EPHB3: variants seen among roughly 807,000 people sequenced by gnomAD.
EPHB3 encodes the protein ephrin type-B receptor 3.
A neutral mutation model predicts 100.2 loss-of-function variants in EPHB3; 33 were observed. The observed-to-expected ratio is 0.33, with a 90% CI of 0.25 to 0.44. The LOEUF (loss-of-function observed/expected upper bound fraction) is 0.44, where lower values mean the gene tolerates loss of function less well. Ranked by LOEUF, EPHB3 falls within the 20% of genes least tolerant of loss-of-function variation. The probability of loss-of-function intolerance (pLI) is 1.00; values close to 1 mark genes in which losing one functional copy is unlikely to be tolerated. For synonymous variants in EPHB3, 526 were observed against 554.7 expected (o/e 0.95, Z 0.73); for missense variants, 1,045 against 1,378.3 (o/e 0.76, Z 3.83).
In EPHB3 at chr3:184,580,472, A is replaced by G; in HGVS notation, c.2243A>G (p.Tyr748Cys). 1.9e-6 allele frequency: 3 copies of G among 1,614,160 alleles called. No homozygotes were observed. Among genetic ancestry groups the G allele is most frequent in the Non-Finnish European group, 2.5e-6 (3 of 1,180,014 alleles). Residue 748 changes from tyrosine (Y) to cysteine (C), a missense_variant, in exon 12 of 16, where the codon TAC (tyrosine) becomes TGC (cysteine). Around this residue, in one of 2 missense-constraint regions of EPHB3, gnomAD observed 985 missense variants for 1,331.1 expected, o/e 0.74. Transcript: ENST00000330394. The part of the protein sequence containing the change: ...MLRGIAAGMK[Y>C]LSEMNYVHRD... ...CGGGGCATTGCTGCCGGCATGAAGT[A>G]CCTGTCCGAGATGAACTATGTGCAC...
At position 184,573,734 on chromosome 3, in the gene EPHB3, T is replaced by C. The variant is rs1452084408; in HGVS notation, c.856+558T>C. Among the ~76,000 whole-genome samples the C allele has an allele frequency of 2.1e-5, 3 of 141,216 alleles. No individual in the cohort carries two copies. Among genetic ancestry groups the C allele is most frequent in the African/African-American group, 7.8e-5 (3 of 38,582 alleles). The allele number at this position is 141,216 out of a possible 152,430, so 92.6% of individuals were successfully genotyped here. On this transcript the variant is annotated intron_variant, in intron 3 of 15. Transcript: ENST00000330394. The surrounding 1 kb of genome is among the most constrained non-coding windows in gnomAD (Gnocchi z 4.5). ...CAAGTTACTTTTTTTTTTTTTTTTT[T>C]GAGATGGAGTTTCACAATTGTTGCC...
Position 184,565,117 on chromosome 3 carries a change from C to G in EPHB3, c.118+2764C>G, listed in dbSNP as rs1035127557. Among the ~76,000 whole-genome samples the G allele has an allele frequency of 6.6e-6, 1 of 152,168 alleles. No homozygotes were observed. Among genetic ancestry groups the G allele is most frequent in the Non-Finnish European group, 1.5e-5 (1 of 68,040 alleles). ...GGTCACCAAGACTCTGCATCCAAGG[C>G]TGTCATCAGTTTTCCATGTGGATGG... is the stretch of plus-strand genomic sequence containing the variant. On this transcript the variant is annotated intron_variant, in intron 1 of 15. Coordinates refer to ENST00000330394, the MANE Select transcript of EPHB3 (RefSeq NM_004443.4). The surrounding 1 kb of genome is among the most constrained non-coding windows in gnomAD (Gnocchi z 4.8).
rs67295730 is a variant in EPHB3 at position 184,573,716 on chromosome 3, C to CTT, written c.856+557_856+558dup. 1.2e-4 allele frequency among the ~76,000 whole-genome samples: 16 copies of CTT among 138,582 alleles called. No homozygotes were observed. Among genetic ancestry groups the CTT allele is most frequent in the African/African-American group, 2.4e-4 (9 of 37,330 alleles). 90.9% of individuals were successfully genotyped at this position (138,582 alleles called of 152,430 possible). On this transcript the variant is annotated intron_variant, in intron 3 of 15. Transcript: ENST00000330394. The surrounding 1 kb of genome is among the most constrained non-coding windows in gnomAD (Gnocchi z 4.5). ...CACTTACGTGACCTTGGGCAAGTTA[C>CTT]TTTTTTTTTTTTTTTTTTGAGATGG... is the stretch of plus-strand genomic sequence containing the variant.
chr3:184,577,748 C>A lies in EPHB3; in HGVS notation c.1570C>A (p.Arg524Ser). 1 of 1,611,700 alleles carries A rather than the reference C, an allele frequency of 6.2e-7. No homozygotes were observed. The highest frequency in any genetic ancestry group is 8.5e-7 in the Non-Finnish European group (1 of 1,178,470). Residue 524 changes from arginine (R) to serine (S), a missense_variant, in exon 7 of 16, where the codon CGT (arginine) becomes AGT (serine). Coordinates refer to ENST00000330394, the MANE Select transcript of EPHB3 (RefSeq NM_004443.4). This position sits in a 1 kb window ranked among gnomAD's most constrained non-coding sequence, Gnocchi z 4.9. Reference protein sequence around the residue: ...RPDARYVVQVRARTVAGYGQY... With the variant: ...RPDARYVVQVSARTVAGYGQY... ...TGACGCCCGCTATGTGGTCCAGGTCCGTGCCCGCACAGTAGCTGGCTATGG... is the reference window on the plus strand; with the variant it reads ...TGACGCCCGCTATGTGGTCCAGGTCAGTGCCCGCACAGTAGCTGGCTATGG...
Position 184,578,849 on chromosome 3 carries a change from G to A in EPHB3, c.1801+383G>A, listed in dbSNP as rs1369830709. 2.0e-5 allele frequency among the ~76,000 whole-genome samples: 3 copies of A among 151,992 alleles called. No individual in the cohort carries two copies. The highest frequency in any genetic ancestry group is 2.9e-5 in the Non-Finnish European group (2 of 68,032). ...GAGGTGGACTTGAGCTGAGCCAGGC[G>A]GGATGAGCAGGGTGTTGGGAGGTGA... On this transcript the variant is annotated intron_variant, in intron 9 of 15. Coordinates refer to ENST00000330394, the MANE Select transcript of EPHB3 (RefSeq NM_004443.4). This position sits in a 1 kb window ranked among gnomAD's most constrained non-coding sequence, Gnocchi z 4.7.
chr3:184,580,641 G>T (rs777750265), intron 12 of EPHB3, 24 bp downstream of exon 12: 1 of 1,611,082 alleles, frequency 6.2e-7, no homozygotes, highest in Non-Finnish European at 8.5e-7. Context: ...CTGGGAGGGA[G>T]ACTGGGGGCG....
At chr3:184,575,203 A>C (rs13093629) in intron 3 of EPHB3, 1 of 985,256 alleles carries the variant, frequency 1.0e-6, no homozygotes, top group Non-Finnish European at 1.2e-6. Context: ...CTCTGGGGTG[A>C]GTCCCCTTGT....
In EPHB3 at chr3:184,571,587, A is replaced by C. The variant is rs1485104040; in HGVS notation, c.183+205A>C. Among the ~76,000 whole-genome samples the C allele has an allele frequency of 1.3e-5, 2 of 149,498 alleles. No homozygotes were observed. The highest frequency in any genetic ancestry group is 5.0e-5 in the African/African-American group (2 of 40,382). ...ATGGTCCTTCTCTGTGGGCATTTCT[A>C]TCTCTCACCCCTCTGCCTGCCTGTG... On this transcript the variant is annotated intron_variant, in intron 2 of 15. Coordinates refer to ENST00000330394, the MANE Select transcript of EPHB3 (RefSeq NM_004443.4). This position sits in a 1 kb window ranked among gnomAD's most constrained non-coding sequence, Gnocchi z 5.0.
chr3:184,562,312 T>TGCC lies in EPHB3; in HGVS notation c.80_82dup (p.Pro27dup), dbSNP rs1198803550. On this transcript the variant is annotated inframe_insertion, in exon 1 of 16. Transcript: ENST00000330394. The surrounding 1 kb of genome is among the most constrained non-coding windows in gnomAD (Gnocchi z 4.8). ...CCGCTGCTCCCTCCGCTGCTGCTGC[T>TGCC]GCCGCTGCTGCTGCTGCCCGCCGGC... is the stretch of plus-strand genomic sequence containing the variant. The TGCC allele has an allele frequency of 2.4e-6, 3 of 1,250,128 alleles. No homozygotes were observed. The highest frequency in any genetic ancestry group is 3.0e-6 in the Non-Finnish European group (3 of 998,140). The allele number at this position is 1,250,128 out of a possible 1,614,324, so 77.4% of individuals were successfully genotyped here.
rs995925709 is a variant in EPHB3 at position 184,562,266 on chromosome 3, T to TCGCCGCCGC, written c.34_42dup (p.Pro12_Pro14dup). 187 of 1,160,242 alleles carry TCGCCGCCGC rather than the reference T, an allele frequency of 1.6e-4. 1 individual carries two copies. In the South Asian group the frequency reaches 6.1e-3, roughly 38 times the overall value. 71.9% of individuals were successfully genotyped at this position (1,160,242 alleles called of 1,614,324 possible). On this transcript the variant is annotated inframe_insertion, in exon 1 of 16. Coordinates refer to ENST00000330394, the MANE Select transcript of EPHB3 (RefSeq NM_004443.4). The surrounding 1 kb of genome is among the most constrained non-coding windows in gnomAD (Gnocchi z 4.8). ...CAGAGCCCGCCCGCCGCCGCCGCCGTCGCCGCCGCCGGGGCTTCTGCCGCT... is the reference window on the plus strand; with the variant it reads ...CAGAGCCCGCCCGCCGCCGCCGCCGTCGCCGCCGCCGCCGCCGCCGGGGCTTCTGCCGCT...
At chr3:184,581,454 C>T (rs746899594) in intron 15 of EPHB3, 46 bp downstream of exon 15, 2 of 1,589,544 alleles carry the variant, frequency 1.3e-6, no homozygotes, top group Admixed American at 3.5e-5. Context: ...GGGCCCTAGG[C>T]TGGGCCCAGA....
chr3:184,577,434 C>A lies in EPHB3; in HGVS notation c.1446C>A (p.Val482=). Residue 482 remains valine, a synonymous_variant, in exon 6 of 16, where the codon GTC becomes GTA. Transcript: ENST00000330394. The surrounding 1 kb of genome is among the most constrained non-coding windows in gnomAD (Gnocchi z 4.9). ...SWAPPERPNG[V]ILDYEMKYFE... ...CACCCCCAGAGCGGCCCAACGGAGT[C>A]ATCCTGGACTACGAGATGAAGTACT... is the stretch of plus-strand genomic sequence containing the variant. The A allele has an allele frequency of 1.2e-6, 2 of 1,614,000 alleles. No homozygotes were observed. The highest frequency in any genetic ancestry group is 2.2e-5 in the South Asian group (2 of 91,046).
rs1241015168 is a variant in EPHB3, at chr3:184,572,609, A to C, written c.289A>C (p.Ile97Leu). The C allele has an allele frequency of 6.4e-7, 1 of 1,551,578 alleles. No individual in the cohort carries two copies. Among genetic ancestry groups the C allele is most frequent in the South Asian group, 1.2e-5 (1 of 80,270 alleles). ...GAACAACTGGCTTCGCACGGGGTTC[A>C]TCTGGCGGCGGGATGTGCAGCGGGT... is the stretch of plus-strand genomic sequence containing the variant. ...SQNNWLRTGFIWRRDVQRVYV... is the reference protein window; with the variant it reads ...SQNNWLRTGFLWRRDVQRVYV... Residue 97 changes from isoleucine (I) to leucine (L), a missense_variant, in exon 3 of 16, where the codon ATC (isoleucine) becomes CTC (leucine). This residue lies in a region of EPHB3 where 985 missense variants were observed against 1,331.1 expected (regional missense o/e 0.74). Coordinates refer to ENST00000330394, the MANE Select transcript of EPHB3 (RefSeq NM_004443.4). This position sits in a 1 kb window ranked among gnomAD's most constrained non-coding sequence, Gnocchi z 6.6.
Position 184,577,329 on chromosome 3 carries a change from T to A in EPHB3, c.1355-14T>A, listed in dbSNP as rs375925363. 9 of 1,612,100 alleles carry A rather than the reference T, an allele frequency of 5.6e-6. No homozygotes were observed. Among genetic ancestry groups the A allele is most frequent in the Non-Finnish European group, 7.6e-6 (9 of 1,179,330 alleles). On this transcript the variant is annotated splice_polypyrimidine_tract_variant and intron_variant, in intron 5 of 15. Transcript: ENST00000330394. This position sits in a 1 kb window ranked among gnomAD's most constrained non-coding sequence, Gnocchi z 4.9. ...GGTCCAGGGAGCCCCTGGTGAGCCC[T>A]CTGCTCTTCCCAGCCCCGTCTGAAG...
At position 184,569,249 on chromosome 3, in the gene EPHB3, C is replaced by G. The variant is rs1397423052; in HGVS notation, c.119-2069C>G. Among the ~76,000 whole-genome samples, 2 of 151,822 alleles carry G rather than the reference C, an allele frequency of 1.3e-5. No individual in the cohort carries two copies. The highest frequency in any genetic ancestry group is 1.5e-5 in the Non-Finnish European group (1 of 67,920). ...GCGGGGGCAGGGCGCGCTTGCTCTG[C>G]CGGCTCCCGGGACTGACACTCGCGC... On this transcript the variant is annotated intron_variant, in intron 1 of 15. Coordinates refer to ENST00000330394, the MANE Select transcript of EPHB3 (RefSeq NM_004443.4). This position sits in a 1 kb window ranked among gnomAD's most constrained non-coding sequence, Gnocchi z 5.4.
chr3:184,563,495 G>A lies in EPHB3; in HGVS notation c.118+1142G>A, dbSNP rs527862674. 2.0e-5 allele frequency among the ~76,000 whole-genome samples: 3 copies of A among 152,240 alleles called. 1 individual carries two copies. Among genetic ancestry groups the A allele is most frequent in the Admixed American group, 2.0e-4 (3 of 15,300 alleles). ...TCACAGTCGGTAAACTTAAAGGTTG[G>A]AAGGAAAAAAGAACACAGTTCAGAG... On this transcript the variant is annotated intron_variant, in intron 1 of 15. Transcript: ENST00000330394. This position sits in a 1 kb window ranked among gnomAD's most constrained non-coding sequence, Gnocchi z 4.1.
At chr3:184,566,694 T>G (rs925903379) in intron 1 of EPHB3, among the ~76,000 whole-genome samples, 2 of 152,166 alleles carry the variant, frequency 1.3e-5, no homozygotes. Flanking sequence ...TGCTCCTCCT[T>G]GCGCAGACCC....
At position 184,572,922 on chromosome 3, in the gene EPHB3, CG is replaced by C; in HGVS notation, c.603del (p.Leu202SerfsTer145). The C allele has an allele frequency of 6.4e-7, 1 of 1,566,416 alleles. No homozygotes were observed. The highest frequency in any genetic ancestry group is 8.7e-7 in the Non-Finnish European group (1 of 1,154,906). On this transcript the variant is annotated frameshift_variant, in exon 3 of 16. Coordinates refer to ENST00000330394, the MANE Select transcript of EPHB3 (RefSeq NM_004443.4). LOFTEE classifies it high-confidence loss of function. The surrounding 1 kb of genome is among the most constrained non-coding windows in gnomAD (Gnocchi z 6.6). ...TTCCAGGACCAGGGCGCCTGCATGT[CG>C]CTCATCTCCGTGCGCGCCTTCTACA... The part of the protein sequence containing the change: ...LAFQDQGACM[S>X]LISVRAFYKK...
Position 184,581,436 on chromosome 3 carries a change from A to C in EPHB3, c.2888+28A>C, listed in dbSNP as rs75681474. ...AAGTGTGCCTCAGATTTGGAGGAGC[A>C]GGGCAGGGGGCCCTAGGCTGGGCCC... On this transcript the variant is annotated intron_variant, in intron 15 of 15. Coordinates refer to ENST00000330394, the MANE Select transcript of EPHB3 (RefSeq NM_004443.4). The C allele has an allele frequency of 1.7e-3, 2,637 of 1,583,298 alleles. 27 individuals carry two copies. In the African/African-American group the frequency reaches 0.031, roughly 18 times the overall value.
Sources: gnomAD v4.1 joint callset for allele counts (sites outside exome capture counted in the v4.1 genomes callset) on GRCh38, gnomAD v4.1.1 for gene constraint, gnomAD v4.1.1 regional missense constraint, Gnocchi (gnomAD v3.1) non-coding constraint, MANE v1.5 for transcripts, NCBI Gene and HGNC (gene_info 2026-07-23, HGNC 2026-07-21) for gene names.